Variants in KAZN observed in about 807,000 individuals in gnomAD.
The protein encoded by KAZN is kazrin, periplakin interacting protein, also known as kazrin.
Under a neutral mutation model 87.4 loss-of-function variants are expected in KAZN, and 40 were observed. That is an observed-to-expected ratio of 0.46 (90% confidence interval 0.36 to 0.60). The LOEUF is 0.60. Ranked by LOEUF, KAZN falls within the 20% of genes least tolerant of loss-of-function variation. The probability of loss-of-function intolerance (pLI) is 0.00; values close to 1 mark genes in which losing one functional copy is unlikely to be tolerated. For synonymous variants in KAZN, 466 were observed against 458.3 expected (o/e 1.02, Z -0.22); for missense variants, 898 against 1,073.9 (o/e 0.84, Z 2.29).
At chr1:13,918,603 TTCTAC>T (rs1639945702) in intron 1 of KAZN, among the ~76,000 whole-genome samples, 1 of 152,232 alleles carries the variant, frequency 6.6e-6, no homozygotes, top group Non-Finnish European at 1.5e-5. Flanking sequence ...TTGAAAGAAG[TTCTAC>T]TGTGTATAAA....
Position 14,773,855 on chromosome 1 carries a change from A to G in KAZN, c.226+174632A>G, listed in dbSNP as rs1359929538. ...TCCCCTCCCCTCCAAAGAAAACACC[A>G]TCTTTCCAGGACTGATGGCACTGAG... is the stretch of plus-strand genomic sequence containing the variant. On this transcript the variant is annotated intron_variant, in intron 1 of 14. Coordinates refer to ENST00000376030, the MANE Select transcript of KAZN (RefSeq NM_201628.3). The surrounding 1 kb of genome is among the most constrained non-coding windows in gnomAD (Gnocchi z 5.9). Among the ~76,000 whole-genome samples the G allele has an allele frequency of 6.6e-6, 1 of 152,094 alleles. No individual in the cohort carries two copies. The highest frequency in any genetic ancestry group is 1.5e-5 in the Non-Finnish European group (1 of 68,008).
chr1:15,029,178 CAG>C (rs1671442403), intron 2 of KAZN, among the ~76,000 whole-genome samples: 1 of 152,132 alleles, frequency 6.6e-6, no homozygotes, highest in Non-Finnish European at 1.5e-5. Flanking sequence ...CCCCACCAAA[CAG>C]AATTGGAGCA....
intron 1 of KAZN, among the ~76,000 whole-genome samples, chr1:13,997,944 GA>G (rs1639604075): frequency 6.6e-6 from 1 of 152,040 alleles, no homozygotes; most frequent in Admixed American, 6.5e-5. Context: ...CGAAATGAAG[GA>G]AAAAATGAAA....
At chr1:14,433,867 A>T (rs957148245) in intron 2 of KAZN, among the ~76,000 whole-genome samples, 2 of 151,974 alleles carry the variant, frequency 1.3e-5, no homozygotes, top group Non-Finnish European at 2.9e-5. Flanking sequence ...CTCAAAAACA[A>T]AAAAAAAGGA....
chr1:14,580,859 C>T (rs1051316376), intron 2 of KAZN, among the ~76,000 whole-genome samples: 8 of 152,162 alleles, frequency 5.3e-5, no homozygotes, highest in African/African-American at 1.7e-4. Context: ...TCAATGTCAT[C>T]GCTTACTCAG....
chr1:14,397,702 CA>C (rs541054606), intron 2 of KAZN, among the ~76,000 whole-genome samples: 1 of 150,080 alleles, frequency 6.7e-6, no homozygotes, highest in Non-Finnish European at 1.5e-5. Context: ...ACTAAAAATA[CA>C]AAAAAAAATT....
intron 2 of KAZN, among the ~76,000 whole-genome samples, chr1:14,396,457 A>G (rs773617412): frequency 2.6e-5 from 4 of 152,208 alleles, no homozygotes; most frequent in Non-Finnish European, 5.9e-5. Flanking sequence ...AAAGGCCAAT[A>G]TCTAACTCCT....
chr1:14,202,736 A>T (rs1249361838), intron 2 of KAZN, among the ~76,000 whole-genome samples: 1 of 152,266 alleles, frequency 6.6e-6, no homozygotes, highest in South Asian at 2.1e-4. Context: ...CATTTCCCCT[A>T]TTGAAGCAAT....
intron 1 of KAZN, among the ~76,000 whole-genome samples, chr1:14,640,115 C>T (rs1680308321): frequency 6.6e-6 from 1 of 152,178 alleles, no homozygotes; most frequent in Admixed American, 6.5e-5. Flanking sequence ...TTTTTAAAAA[C>T]CCCATCTGCT....
chr1:13,979,006 G>A (rs896607682), intron 1 of KAZN, among the ~76,000 whole-genome samples: 2 of 152,006 alleles, frequency 1.3e-5, no homozygotes, highest in Admixed American at 6.6e-5. Flanking sequence ...TGAGGTGGGA[G>A]GACTGCTTGA....
intron 2 of KAZN, among the ~76,000 whole-genome samples, chr1:14,446,077 G>A (rs1387181918): frequency 6.6e-6 from 1 of 151,962 alleles, no homozygotes; most frequent in African/African-American, 2.4e-5. Flanking sequence ...ACACCTGTAG[G>A]CCCAGCTACT....
rs537946552 is a variant in KAZN at position 14,860,313 on chromosome 1, T to A, written c.227-100371T>A. ...TTCAAGCAATTCTTCCACCTCACCC[T>A]CCTGAGTAGCTGGGATTACAGGCGT... On this transcript the variant is annotated intron_variant, in intron 1 of 14. Transcript: ENST00000376030. 3.3e-5 allele frequency among the ~76,000 whole-genome samples: 5 copies of A among 152,080 alleles called. No individual in the cohort carries two copies. The South Asian group carries it at 1.0e-3, about 32-fold the overall frequency.
At chr1:14,634,586 C>T (rs781186084) in intron 1 of KAZN, among the ~76,000 whole-genome samples, 4 of 152,184 alleles carry the variant, frequency 2.6e-5, no homozygotes, top group Non-Finnish European at 5.9e-5. Flanking sequence ...TTCTCGGCCA[C>T]GTTCTGTGGG....
chr1:14,078,297 C>T (rs866526706), intron 1 of KAZN, among the ~76,000 whole-genome samples: 4 of 152,094 alleles, frequency 2.6e-5, no homozygotes, highest in African/African-American at 4.8e-5. Context: ...CTGCTTATCC[C>T]GCTAGATCTA....
At chr1:14,963,898 T>A (rs1664167205) in intron 2 of KAZN, among the ~76,000 whole-genome samples, 1 of 152,264 alleles carries the variant, frequency 6.6e-6, no homozygotes, top group Admixed American at 6.5e-5. Flanking sequence ...TTTCTGTTCC[T>A]GTGTTAGTTT....
intron 2 of KAZN, among the ~76,000 whole-genome samples, chr1:14,252,628 C>T (rs1650150269): frequency 6.6e-6 from 1 of 152,158 alleles, no homozygotes; most frequent in Admixed American, 6.6e-5. Context: ...ATTCCCTACT[C>T]CATCCTATTC....
intron 2 of KAZN, among the ~76,000 whole-genome samples, chr1:14,284,469 G>A (rs923540425): frequency 3.3e-5 from 5 of 152,094 alleles, no homozygotes; most frequent in Admixed American, 1.3e-4. Context: ...AAGGCAACTC[G>A]TGGGGCTGAA....
intron 1 of KAZN, among the ~76,000 whole-genome samples, chr1:13,917,834 C>A (rs976086646): frequency 6.7e-6 from 1 of 148,336 alleles, no homozygotes; most frequent in African/African-American, 2.5e-5. Flanking sequence ...AGAAATTATG[C>A]TAAATCTATT....
chr1:14,224,056 A>G (rs1010282702), intron 2 of KAZN, among the ~76,000 whole-genome samples: 2 of 152,216 alleles, frequency 1.3e-5, no homozygotes, highest in African/African-American at 4.8e-5. Flanking sequence ...AGCAAGCTGG[A>G]CCTTTCAACA....
Sources: allele counts gnomAD v4.1 joint callset (sites outside exome capture counted in the v4.1 genomes callset), GRCh38; gene constraint gnomAD v4.1.1; non-coding constraint Gnocchi (gnomAD v3.1); transcripts MANE v1.5; gene names NCBI Gene and HGNC (gene_info 2026-07-23, HGNC 2026-07-21).